Variants in KLF8 observed in about 807,000 individuals in gnomAD.
The protein encoded by KLF8 is Krueppel-like factor 8.
KLF8 carries 10 observed loss-of-function variants against 18.2 expected under a neutral mutation model. The ratio of observed to expected loss-of-function variants is 0.55; its 90% CI spans 0.34 to 0.93. KLF8 has a LOEUF of 0.93. KLF8 is among the 40% of genes least tolerant of loss of function. The pLI is 0.02. For missense variants in KLF8, 264 were observed against 277.9 expected (o/e 0.95, Z 0.36); for synonymous variants, 109 against 97.3 (o/e 1.12, Z -0.71).
In KLF8 at chrX:56,284,425, A is replaced by C; in HGVS notation, c.1011A>C (p.Thr337=). 8.3e-7 allele frequency: 1 copy of C among 1,208,933 alleles called. No individual in the cohort carries two copies. The highest frequency in any genetic ancestry group is 1.1e-6 in the Non-Finnish European group (1 of 894,257). ...CAGGCATCAAGCCTTTTCGGTGCAC[A>C]GACTGCAACCGCAGCTTTTCTCGTT... ...KHTGIKPFRC[T]DCNRSFSRSD... is the part of the protein sequence containing the mutation. Residue 337 remains threonine (T), a synonymous_variant, in exon 6 of 6, where the codon ACA becomes ACC. Transcript: ENST00000468660.
the KLF8 span, among the ~76,000 whole-genome samples, chrX:56,105,762 G>T: frequency 9.0e-6 from 1 of 111,519 alleles, no homozygotes; most frequent in East Asian, 2.8e-4. Context: ...ATGTCATTAT[G>T]ATGTTAGGTA....
chrX:56,273,794 C>T (rs1217864930), intron 5 of KLF8, among the ~76,000 whole-genome samples: 1 of 111,793 alleles, frequency 8.9e-6, no homozygotes, highest in Non-Finnish European at 1.9e-5. Context: ...GTTACATTTG[C>T]TGTGTGAGAA....
At chrX:55,959,239 T>C in the KLF8 span, among the ~76,000 whole-genome samples, 1 of 111,788 alleles carries the variant, frequency 8.9e-6, no homozygotes. Flanking sequence ...CTCAAGAGTA[T>C]GGAAGAATAT....
At chrX:56,278,208 C>T (rs766202906) in intron 5 of KLF8, among the ~76,000 whole-genome samples, 1 of 112,002 alleles carries the variant, frequency 8.9e-6, no homozygotes, top group Non-Finnish European at 1.9e-5. Context: ...TTCCACCTTT[C>T]CTCAGCTGGA....
At chrX:56,185,341 ATGTG>A in the KLF8 span, among the ~76,000 whole-genome samples, 1 of 111,972 alleles carries the variant, frequency 8.9e-6, no homozygotes, top group African/African-American at 3.2e-5. Flanking sequence ...ATAAAAAGAA[ATGTG>A]CAAAGCCTCC....
At chrX:56,044,155 CA>C in the KLF8 span, among the ~76,000 whole-genome samples, 1 of 111,497 alleles carries the variant, frequency 9.0e-6, no homozygotes, top group African/African-American at 3.3e-5. Context: ...TGTGAAACAA[CA>C]AAGATGGCAG....
At chrX:56,031,102 C>A in the KLF8 span, among the ~76,000 whole-genome samples, 1 of 111,097 alleles carries the variant, frequency 9.0e-6, no homozygotes, top group Non-Finnish European at 1.9e-5. Context: ...GTCATAGTAA[C>A]TCCATAGTCT....
chrX:56,233,230 G>A lies in KLF8; in HGVS notation c.-105G>A, dbSNP rs1194317529. 1.1e-5 allele frequency: 11 copies of A among 971,711 alleles called. No homozygotes were observed. Among genetic ancestry groups the A allele is most frequent in the Non-Finnish European group, 1.5e-5 (10 of 682,895 alleles). The allele number at this position is 971,711 out of a possible 1,213,427, so 80.1% of individuals were successfully genotyped here. On this transcript the variant is annotated 5_prime_UTR_variant, in exon 1 of 6. The change abolishes an upstream ATG in the 5' untranslated region. Transcript: ENST00000468660. Reference sequence around the variant, plus strand: ...GCGTCGCCCTGCGCTATGTCAGAATGGGGCGGGTGTGAGGGGAACAGCTCT... The same window carrying A: ...GCGTCGCCCTGCGCTATGTCAGAATAGGGCGGGTGTGAGGGGAACAGCTCT...
rs1417633235 is a variant in KLF8 at position 56,265,223 on chromosome X, A to G, written c.125A>G (p.Tyr42Cys). The G allele has an allele frequency of 8.3e-7, 1 of 1,205,789 alleles. No homozygotes were observed. Among genetic ancestry groups the G allele is most frequent in the Non-Finnish European group, 1.1e-6 (1 of 892,171 alleles). ...AACAGAGATCCCCCTGAGATAGAAT[A>G]CAGAAGTAATATGACTTCTCCAACA... ...VRNRDPPEIE[Y>C]RSNMTSPTLL... The change falls in exon 3 of 6, where the codon TAC becomes TGC. Residue 42 changes from tyrosine (Y) to cysteine (C), a missense_variant. Coordinates refer to ENST00000468660, the MANE Select transcript of KLF8 (RefSeq NM_007250.5).
chrX:56,011,494 C>T, the KLF8 span, among the ~76,000 whole-genome samples: 1 of 111,846 alleles, frequency 8.9e-6, no homozygotes, highest in Non-Finnish European at 1.9e-5. Context: ...TGAATGCCCA[C>T]ATCAAACAGC....
the KLF8 span, among the ~76,000 whole-genome samples, chrX:56,070,828 T>C: frequency 5.3e-5 from 6 of 112,853 alleles, no homozygotes; most frequent in Admixed American, 5.6e-4. Context: ...TATCTGAATG[T>C]ATCTAACTAA....
chrX:56,181,247 G>A, the KLF8 span, among the ~76,000 whole-genome samples: 1 of 110,612 alleles, frequency 9.0e-6, no homozygotes, highest in Non-Finnish European at 1.9e-5. Context: ...GATCTTTGTT[G>A]GTTTAAAGTC....
the KLF8 span, among the ~76,000 whole-genome samples, chrX:56,162,188 G>A: frequency 8.9e-6 from 1 of 111,940 alleles, no homozygotes; most frequent in Non-Finnish European, 1.9e-5. Flanking sequence ...CTACTGTGGG[G>A]TGCCTCCCAG....
chrX:56,174,458 G>A, the KLF8 span, among the ~76,000 whole-genome samples: 5 of 111,776 alleles, frequency 4.5e-5, no homozygotes, highest in African/African-American at 1.6e-4. Context: ...ACTTGATCAT[G>A]GTTGATAAGC....
chrX:56,150,602 G>A, the KLF8 span, among the ~76,000 whole-genome samples: 1 of 110,943 alleles, frequency 9.0e-6, no homozygotes, highest in Non-Finnish European at 1.9e-5. Context: ...CCCTAGACCT[G>A]CTGTGTTGGA....
the KLF8 span, among the ~76,000 whole-genome samples, chrX:55,974,640 T>A: frequency 8.9e-6 from 1 of 112,485 alleles, no homozygotes; most frequent in Admixed American, 9.4e-5. Flanking sequence ...ATTTACTTAT[T>A]CATTTAATCC....
chrX:56,076,500 A>C, the KLF8 span, among the ~76,000 whole-genome samples: 1 of 111,135 alleles, frequency 9.0e-6, no homozygotes, highest in Non-Finnish European at 1.9e-5. Context: ...ATAGTATTCC[A>C]TGGTGTATAT....
chrX:56,116,766 C>A, the KLF8 span, among the ~76,000 whole-genome samples: 1 of 105,567 alleles, frequency 9.5e-6, no homozygotes, highest in Non-Finnish European at 1.9e-5. Context: ...TAAGATCTAC[C>A]CTCTTAGCAG....
At chrX:56,076,939 C>A in the KLF8 span, among the ~76,000 whole-genome samples, 9,004 of 111,648 alleles carry the variant, frequency 0.081, 895 homozygotes, top group African/African-American at 0.28. Flanking sequence ...TAAATGTCTT[C>A]TTTTGAGAAG....
Sources: gnomAD v4.1 joint callset for allele counts (sites outside exome capture counted in the v4.1 genomes callset) on GRCh38, gnomAD v4.1.1 for gene constraint, MANE v1.5 for transcripts, NCBI Gene and HGNC (gene_info 2026-07-23, HGNC 2026-07-21) for gene names.